SLC9A6: variants seen among roughly 807,000 people sequenced by gnomAD.
SLC9A6 encodes sodium/hydrogen exchanger 6.
Under a neutral mutation model 45.3 loss-of-function variants are expected in SLC9A6, and 6 were observed. That is an observed-to-expected ratio of 0.13 (90% CI 0.07 to 0.26). The LOEUF (loss-of-function observed/expected upper bound fraction) is 0.26, where lower values mean the gene tolerates loss of function less well. Among genes scored for constraint, SLC9A6 ranks in the 10% least tolerant of loss-of-function variants. The pLI, the probability that SLC9A6 is intolerant of heterozygous loss-of-function variation, is 1.00. For synonymous variants in SLC9A6, 191 were observed against 187.7 expected (o/e 1.02, Z -0.14); for missense variants, 278 against 503.7 (o/e 0.55, Z 4.29).
chrX:136,028,809 T>C (rs1427828422), intron 13 of SLC9A6, 77 bp from the exon 14 acceptor site: 1 of 283,078 alleles, frequency 3.5e-6, no homozygotes, highest in African/African-American at 2.8e-5. Context: ...CTACAGCTTC[T>C]AGTACTGCTA....
chrX:136,016,587 A>T (rs920490848), intron 10 of SLC9A6, 58 bp from the exon 11 acceptor site: 4 of 641,092 alleles, frequency 6.2e-6, no homozygotes, highest in Non-Finnish European at 7.9e-6. Flanking sequence ...AGTAATACTC[A>T]TGCTTTCAAA....
At chrX:136,035,969 C>T (rs1389444838) in intron 16 of SLC9A6, among the ~76,000 whole-genome samples, 5 of 106,370 alleles carry the variant, frequency 4.7e-5, no homozygotes, top group African/African-American at 1.7e-4. Context: ...ACCATGTTTC[C>T]CAGGCTGGCC....
chrX:136,016,661 A>G lies in SLC9A6; in HGVS notation c.1097A>G (p.Asn366Ser). 8.5e-7 allele frequency: 1 copy of G among 1,175,949 alleles called. No individual in the cohort carries two copies. Among genetic ancestry groups the G allele is most frequent in the Non-Finnish European group, 1.2e-6 (1 of 862,896 alleles). ...TCGTTTCAGTTGTTTGAGCTTCTCA[A>G]TTTCTTGGCAGAGAATTTCATCTTC... ...HRTKQLFELL[N>S]FLAENFIFSY... The change falls in exon 11 of 18, where the codon AAT (asparagine) becomes AGT (serine). Residue 366 changes from asparagine to serine, a missense_variant. Transcript: ENST00000630721.
chrX:136,016,600 A>G (rs1224120492), intron 10 of SLC9A6, 45 bp from the exon 11 acceptor site: 2 of 705,249 alleles, frequency 2.8e-6, no homozygotes, highest in Non-Finnish European at 2.3e-6. Flanking sequence ...CTTTCAAATT[A>G]TGTAACTTTA....
intron 2 of SLC9A6, among the ~76,000 whole-genome samples, chrX:135,990,631 G>A (rs5930843): frequency 0.015 from 1,717 of 111,000 alleles, 16 homozygotes; most frequent in Non-Finnish European, 0.025. Context: ...CAAGTGCTGA[G>A]CTCTCCTCAG....
At position 136,003,772 on chromosome X, in the gene SLC9A6, G is replaced by A. The variant is rs186062247; in HGVS notation, c.743+1559G>A. Among the ~76,000 whole-genome samples, 218 of 112,005 alleles carry A rather than the reference G, an allele frequency of 1.9e-3. 3 individuals carry two copies. Among genetic ancestry groups the A allele is most frequent in the Non-Finnish European group, 4.3e-4 (23 of 53,218 alleles). On this transcript the variant is annotated intron_variant, in intron 7 of 17. Transcript: ENST00000630721. ...TATTGGTCTGTTTCCTCACAGTTTC[G>A]CCAGCAGAATATTTGTCAAACTTTT...
At chrX:136,023,685 T>C (rs2071177779) in intron 12 of SLC9A6, among the ~76,000 whole-genome samples, 1 of 110,439 alleles carries the variant, frequency 9.1e-6, no homozygotes, top group African/African-American at 3.3e-5. Context: ...ACAAAGAAAT[T>C]TGACAGGGGG....
In SLC9A6 at chrX:136,006,310, T is replaced by C. The variant is rs782771369; in HGVS notation, c.743+4097T>C. Among the ~76,000 whole-genome samples the C allele has an allele frequency of 2.2e-4, 24 of 110,040 alleles. No homozygotes were observed. The South Asian group carries it at 3.1e-3, about 14-fold the overall frequency. The stretch of plus-strand genomic sequence containing the variant: ...TTTGTTTCTGTCTGGTTTTTTTTTT[T>C]CCCAACTTTTATTTTAAGTTCAAGG... On this transcript the variant is annotated intron_variant, in intron 7 of 17. Transcript: ENST00000630721.
intron 2 of SLC9A6, 38 bp from the exon 3 acceptor site, chrX:135,994,748 C>T (rs374840508): frequency 1.1e-5 from 13 of 1,172,182 alleles, no homozygotes; most frequent in Non-Finnish European, 1.4e-5. Context: ...GAAGTGGTCT[C>T]TGTCGGCAAG....
chrX:136,040,989 C>T (rs1012340681), intron 17 of SLC9A6, among the ~76,000 whole-genome samples: 1 of 110,692 alleles, frequency 9.0e-6, no homozygotes, highest in African/African-American at 3.3e-5. Flanking sequence ...GGCACAGTGG[C>T]GTGCACCTGT....
At chrX:135,991,767 A>AT (rs1569524040) in intron 2 of SLC9A6, among the ~76,000 whole-genome samples, 1 of 110,041 alleles carries the variant, frequency 9.1e-6, no homozygotes, top group African/African-American at 3.3e-5. Context: ...TCAAAAATGA[A>AT]TTTTTTCCCT....
upstream of SLC9A6, among the ~76,000 whole-genome samples, chrX:135,982,114 G>A (rs1400002562): frequency 1.8e-5 from 2 of 111,265 alleles, no homozygotes; most frequent in Non-Finnish European, 3.8e-5. Flanking sequence ...AACATTCTTA[G>A]TTTCAAGACA....
At chrX:135,996,087 A>G (rs2148145845) in intron 3 of SLC9A6, among the ~76,000 whole-genome samples, 2 of 83,231 alleles carry the variant, frequency 2.4e-5, no homozygotes, top group South Asian at 6.3e-4. Flanking sequence ...GCTGGAGTGT[A>G]GTGGCACGAT....
chrX:136,013,595 C>G (rs1428216570), intron 10 of SLC9A6, among the ~76,000 whole-genome samples, 158 bp downstream of exon 10: 1 of 111,557 alleles, frequency 9.0e-6, no homozygotes, highest in African/African-American at 3.3e-5. Flanking sequence ...GTGGGATTGG[C>G]AAAATGAAGA....
rs1411650104 is a variant in SLC9A6, at chrX:136,000,272, A to AC, written c.637+1304_637+1305insC. The stretch of plus-strand genomic sequence containing the variant: ...CTGTCTCCAAAAAAAAAAAAAAAAA[A>AC]AAAAAAAAAGATTTTAAAGGATTAG... On this transcript the variant is annotated intron_variant, in intron 6 of 17. Transcript: ENST00000630721. Among the ~76,000 whole-genome samples, 510 of 107,502 alleles carry AC rather than the reference A, an allele frequency of 4.7e-3. 6 individuals carry two copies. The highest frequency in any genetic ancestry group is 0.017 in the African/African-American group (488 of 29,376). The allele number at this position is 107,502 out of a possible 115,157, so 93.4% of individuals were successfully genotyped here.
intron 10 of SLC9A6, 116 bp from the exon 11 acceptor site, chrX:136,016,529 G>T (rs940364758): frequency 2.7e-5 from 13 of 484,267 alleles, no homozygotes; most frequent in African/African-American, 1.7e-4. Flanking sequence ...CACATATTTT[G>T]TGTGTATGCA....
intron 2 of SLC9A6, among the ~76,000 whole-genome samples, chrX:135,991,071 G>A (rs1412460699): frequency 9.0e-6 from 1 of 111,638 alleles, no homozygotes; most frequent in South Asian, 3.7e-4. Context: ...GTTTTTGGAG[G>A]TGAGATATTT....
intron 3 of SLC9A6, among the ~76,000 whole-genome samples, chrX:135,996,842 T>C (rs185074029): frequency 0.013 from 1,435 of 109,023 alleles, 6 homozygotes; most frequent in East Asian, 0.063. Flanking sequence ...TCTCGGCTCA[T>C]TGCAAGCTCT....
At chrX:136,024,549 T>C in intron 13 of SLC9A6, 66 bp downstream of exon 13, 1 of 1,014,621 alleles carries the variant, frequency 9.9e-7, no homozygotes, top group Non-Finnish European at 1.4e-6. Context: ...TCTGCCTGTT[T>C]TCAATTTTTA....
Sources: gnomAD v4.1 joint callset for allele counts (sites outside exome capture counted in the v4.1 genomes callset) on GRCh38, gnomAD v4.1.1 for gene constraint, MANE v1.5 for transcripts, NCBI Gene and HGNC (gene_info 2026-07-23, HGNC 2026-07-21) for gene names.